COL27A1: variants seen among roughly 807,000 people sequenced by gnomAD.
COL27A1 encodes collagen alpha-1(XXVII) chain.
Under a neutral mutation model 251.3 loss-of-function variants are expected in COL27A1, and 106 were observed. The ratio of observed to expected loss-of-function variants is 0.42; its 90% CI spans 0.36 to 0.50. COL27A1 has a LOEUF of 0.50. COL27A1 is among the 20% of genes least tolerant of loss of function. The probability of loss-of-function intolerance (pLI) is 0.00; values close to 1 mark genes in which losing one functional copy is unlikely to be tolerated. For synonymous variants in COL27A1, 1,000 were observed against 986.3 expected (o/e 1.01, Z -0.26); for missense variants, 2,325 against 2,522.8 (o/e 0.92, Z 1.68).
intron 12 of COL27A1, chr9:114,217,964 A>G (rs1830817106): frequency 5.2e-6 from 2 of 384,116 alleles, no homozygotes; most frequent in Admixed American, 6.3e-5. Flanking sequence ...AAATACAAAA[A>G]TTAGCCAGGT....
At chr9:114,193,302 A>G (rs1360297422) in intron 5 of COL27A1, among the ~76,000 whole-genome samples, 1 of 152,160 alleles carries the variant, frequency 6.6e-6, no homozygotes, top group Non-Finnish European at 1.5e-5. Flanking sequence ...CGCAGCCAGG[A>G]GCACCCCGTG....
intron 24 of COL27A1, among the ~76,000 whole-genome samples, chr9:114,249,855 G>T (rs899191752): frequency 1.3e-5 from 2 of 152,214 alleles, no homozygotes; most frequent in Non-Finnish European, 2.9e-5. Flanking sequence ...AACCACACAA[G>T]GCCCTCCCGG....
chr9:114,262,564 C>T lies in COL27A1; in HGVS notation c.3196-1791C>T, dbSNP rs550701578. 4.6e-5 allele frequency among the ~76,000 whole-genome samples: 7 copies of T among 152,352 alleles called. No homozygotes were observed. The South Asian group carries it at 6.2e-4, about 14-fold the overall frequency. On this transcript the variant is annotated intron_variant, in intron 28 of 60. Transcript: ENST00000356083. ...ACTAGCCATTCTTAAGCACTTTCTG[C>T]GTGCCAGGCACTGAGCTGCCTGTGG... is the stretch of plus-strand genomic sequence containing the variant.
In COL27A1 at chr9:114,219,857, A is replaced by G. The variant is rs759181978; in HGVS notation, c.2421+13A>G. On this transcript the variant is annotated intron_variant, in intron 13 of 60. Coordinates refer to ENST00000356083, the MANE Select transcript of COL27A1 (RefSeq NM_032888.4). ...GGATGGAAATCCTGTGAGTATTTCA[A>G]GTCTTTGGGAACAGGAGCGAGATTC... 2 of 1,598,370 alleles carry G rather than the reference A, an allele frequency of 1.3e-6. No individual in the cohort carries two copies.
At position 114,168,188 on chromosome 9, in the gene COL27A1, T is replaced by G. The variant is rs1440316561; in HGVS notation, c.633T>G (p.Gly211=). ...KMNPHAVQFE[G]ALCQFSIYPV... Reference sequence around the variant, plus strand: ...ACCCGCATGCAGTCCAGTTTGAAGGTGCTCTCTGCCAGTTCAGTATCTACC... The same window carrying G: ...ACCCGCATGCAGTCCAGTTTGAAGGGGCTCTCTGCCAGTTCAGTATCTACC... The change falls in exon 3 of 61, where the codon GGT becomes GGG. Residue 211 remains glycine (G), a synonymous_variant. Coordinates refer to ENST00000356083, the MANE Select transcript of COL27A1 (RefSeq NM_032888.4). 2 of 1,613,714 alleles carry G rather than the reference T, an allele frequency of 1.2e-6. No individual in the cohort carries two copies. Among genetic ancestry groups the G allele is most frequent in the African/African-American group, 2.7e-5 (2 of 74,912 alleles).
At chr9:114,163,522 G>C (rs569106956) in intron 2 of COL27A1, among the ~76,000 whole-genome samples, 2 of 152,326 alleles carry the variant, frequency 1.3e-5, no homozygotes, top group Admixed American at 1.3e-4. Context: ...CCAGGGGGCC[G>C]GGGCAGCGAT....
rs1565503 is a variant in COL27A1 at position 114,283,792 on chromosome 9, C to T, written c.3933+30C>T. ...GCAGATATCACCTCACCCCACCCCC[C>T]GACTCTGTCCTGCAGGCCTGGAAAC... is the stretch of plus-strand genomic sequence containing the variant. On this transcript the variant is annotated intron_variant, in intron 40 of 60. Coordinates refer to ENST00000356083, the MANE Select transcript of COL27A1 (RefSeq NM_032888.4). 40 of 1,611,190 alleles carry T rather than the reference C, an allele frequency of 2.5e-5. No homozygotes were observed. The Admixed American group carries it at 3.0e-4, about 12-fold the overall frequency.
intron 23 of COL27A1, among the ~76,000 whole-genome samples, chr9:114,245,573 A>G (rs1275915522): frequency 6.6e-6 from 1 of 152,152 alleles, no homozygotes; most frequent in Admixed American, 6.5e-5. Context: ...CCACCTCCAC[A>G]AAATGCAATG....
chr9:114,248,218 G>T (rs1206888037), intron 24 of COL27A1, among the ~76,000 whole-genome samples: 7 of 152,194 alleles, frequency 4.6e-5, no homozygotes, highest in Non-Finnish European at 8.8e-5. Flanking sequence ...GCACAGACTG[G>T]CTGCCAGGCC....
Position 114,282,466 on chromosome 9 carries a change from G to T in COL27A1, c.3781G>T (p.Gly1261Cys), listed in dbSNP as rs2135702933. ...TTTCCTCCTGTTGCAGGGTGCCAAG[G>T]GCTATCAAGGACAGCTGGGTGAGAT... is the stretch of plus-strand genomic sequence containing the variant. ...KGRTGAKGAK[G>C]YQGQLGEMGV... Residue 1261 changes from glycine to cysteine, a missense_variant, in exon 39 of 61, where the codon GGC becomes TGC. Coordinates refer to ENST00000356083, the MANE Select transcript of COL27A1 (RefSeq NM_032888.4). 1 of 1,604,272 alleles carries T rather than the reference G, an allele frequency of 6.2e-7. No individual in the cohort carries two copies.
intron 19 of COL27A1, among the ~76,000 whole-genome samples, chr9:114,239,917 G>A (rs1832636852): frequency 6.6e-6 from 1 of 152,166 alleles, no homozygotes; most frequent in African/African-American, 2.4e-5. Context: ...CCATAATTCT[G>A]ACCCAGTAGC....
At position 114,282,050 on chromosome 9, in the gene COL27A1, G is replaced by A. The variant is rs149761229; in HGVS notation, c.3718-227G>A. Among the ~76,000 whole-genome samples the A allele has an allele frequency of 2.7e-4, 41 of 152,248 alleles. 1 individual carries two copies. The East Asian group carries it at 6.6e-3, about 24-fold the overall frequency. On this transcript the variant is annotated intron_variant, in intron 37 of 60. Coordinates refer to ENST00000356083, the MANE Select transcript of COL27A1 (RefSeq NM_032888.4). ...CTCACTGTCAGCACGTTCTTACATC[G>A]CCAGGTCGAATCCCTAAGTTCTGTG... is the stretch of plus-strand genomic sequence containing the variant.
intron 10 of COL27A1, 81 bp from the exon 11 acceptor site, chr9:114,209,594 A>G: frequency 4.8e-6 from 6 of 1,256,878 alleles, no homozygotes; most frequent in Non-Finnish European, 5.9e-6. Context: ...GTGGGATGGC[A>G]GTGGTGGGTG....
At position 114,290,179 on chromosome 9, in the gene COL27A1, C is replaced by T; in HGVS notation, c.4261-45C>T. The T allele has an allele frequency of 1.3e-6, 2 of 1,579,792 alleles. No individual in the cohort carries two copies. Among genetic ancestry groups the T allele is most frequent in the Non-Finnish European group, 1.7e-6 (2 of 1,158,470 alleles). ...GCCCCCCACACCCGCCCTCCTCCCACTCCCTGCACCAAATGCCCTCACCAG... is the reference window on the plus strand; with the variant it reads ...GCCCCCCACACCCGCCCTCCTCCCATTCCCTGCACCAAATGCCCTCACCAG... On this transcript the variant is annotated intron_variant, in intron 46 of 60. Coordinates refer to ENST00000356083, the MANE Select transcript of COL27A1 (RefSeq NM_032888.4). This position sits in a 1 kb window ranked among gnomAD's most constrained non-coding sequence, Gnocchi z 4.6.
chr9:114,302,425 C>T (rs1267273183), intron 56 of COL27A1, among the ~76,000 whole-genome samples: 1 of 152,138 alleles, frequency 6.6e-6, no homozygotes, highest in Non-Finnish European at 1.5e-5. Context: ...ATCTCAGATT[C>T]TGAATCCAAA....
chr9:114,269,762 A>C (rs1835008483), intron 35 of COL27A1, among the ~76,000 whole-genome samples: 1 of 152,104 alleles, frequency 6.6e-6, no homozygotes, highest in South Asian at 2.1e-4. Context: ...TGAGTAACGG[A>C]GGCCTGTCTC....
chr9:114,280,640 A>C (rs904726743), intron 37 of COL27A1, among the ~76,000 whole-genome samples: 2 of 152,210 alleles, frequency 1.3e-5, no homozygotes, highest in Non-Finnish European at 2.9e-5. Context: ...GAGGTGGGGA[A>C]ACTAAGGTTC....
At chr9:114,241,118 G>A (rs2135478441) in intron 21 of COL27A1, among the ~76,000 whole-genome samples, 1 of 152,386 alleles carries the variant, frequency 6.6e-6, no homozygotes, top group South Asian at 2.1e-4. Flanking sequence ...GGATGAAGTG[G>A]GTTGGGAGGG....
chr9:114,173,266 C>G (rs1014037949), intron 3 of COL27A1, among the ~76,000 whole-genome samples: 5 of 152,246 alleles, frequency 3.3e-5, no homozygotes, highest in Non-Finnish European at 1.5e-5. Context: ...GGCATTTGCC[C>G]GTGCTTGCAC....
Sources: gnomAD v4.1 joint callset for allele counts (sites outside exome capture counted in the v4.1 genomes callset) on GRCh38, gnomAD v4.1.1 for gene constraint, Gnocchi (gnomAD v3.1) non-coding constraint, MANE v1.5 for transcripts, NCBI Gene and HGNC (gene_info 2026-07-23, HGNC 2026-07-21) for gene names.